The following DOCK5 variants were observed in gnomAD, a reference collection of about 807,000 sequenced individuals.
The protein encoded by DOCK5 is dedicator of cytokinesis protein 5.
A neutral mutation model predicts 251.8 loss-of-function variants in DOCK5; 142 were observed. The observed-to-expected ratio is 0.56, with a 90% CI of 0.49 to 0.65. The LOEUF is 0.65. Among genes scored for constraint, DOCK5 ranks in the 30% least tolerant of loss-of-function variants. DOCK5 has a pLI of 0.00. For missense variants in DOCK5, 2,111 were observed against 2,312.3 expected, an observed-to-expected ratio of 0.91 and a Z score of 1.79; for synonymous variants, 842 against 835.5, an observed-to-expected ratio of 1.01 and a Z score of -0.13.
chr8:25,382,623 C>G, intron 39 of DOCK5, 51 bp from the exon 40 acceptor site: 1 of 1,422,116 alleles, frequency 7.0e-7, no homozygotes, highest in Non-Finnish European at 9.6e-7. Flanking sequence ...TTTTTTTCCC[C>G]CAACTGTGTA....
At chr8:25,288,329 T>A (rs1804396886) in intron 5 of DOCK5, among the ~76,000 whole-genome samples, 1 of 152,180 alleles carries the variant, frequency 6.6e-6, no homozygotes, top group African/African-American at 2.4e-5. Flanking sequence ...ACAAAGTCCA[T>A]CTCCTTGAAG....
rs560476224 is a variant in DOCK5, at chr8:25,287,726, C to T, written c.322-4298C>T. Among the ~76,000 whole-genome samples, 6 of 151,796 alleles carry T rather than the reference C, an allele frequency of 4.0e-5. No individual in the cohort carries two copies. The East Asian group carries it at 7.8e-4, about 20-fold the overall frequency. On this transcript the variant is annotated intron_variant, in intron 5 of 51. Coordinates refer to ENST00000276440, the MANE Select transcript of DOCK5 (RefSeq NM_024940.8). ...AAATTCTTGGATGATGTGACAGTGG[C>T]GGATAATGCAGAAAAGGCTGAAGTG...
intron 1 of DOCK5, among the ~76,000 whole-genome samples, chr8:25,185,178 G>C (rs1199406515): frequency 6.6e-6 from 1 of 152,088 alleles, no homozygotes; most frequent in East Asian, 1.9e-4. Flanking sequence ...GCTGAGCTTC[G>C]GGACCGTAAT....
At chr8:25,316,268 C>A (rs1367700688) in intron 13 of DOCK5, among the ~76,000 whole-genome samples, 1 of 152,108 alleles carries the variant, frequency 6.6e-6, no homozygotes, top group African/African-American at 2.4e-5. Context: ...TTGCTTGAGT[C>A]CAGGAGTTTG....
chr8:25,269,143 G>A (rs1405271158), intron 3 of DOCK5, among the ~76,000 whole-genome samples: 1 of 152,190 alleles, frequency 6.6e-6, no homozygotes, highest in Non-Finnish European at 1.5e-5. Context: ...TGTCCCTCAA[G>A]TTAAGCAAGT....
chr8:25,247,778 A>T lies in DOCK5; in HGVS notation c.127+4021A>T, dbSNP rs543054906. Among the ~76,000 whole-genome samples, 41 of 152,238 alleles carry T rather than the reference A, an allele frequency of 2.7e-4. 1 individual carries two copies. Among genetic ancestry groups the T allele is most frequent in the Middle Eastern group, 3.4e-3 (1 of 294 alleles). On this transcript the variant is annotated intron_variant, in intron 2 of 51. Coordinates refer to ENST00000276440, the MANE Select transcript of DOCK5 (RefSeq NM_024940.8). The stretch of plus-strand genomic sequence containing the variant: ...TCAAATACCATGCACTTGAGTCCAA[A>T]CAGTCCAAAACCCACAGTGCTTCTA...
At chr8:25,353,392 A>G (rs578124078) in intron 27 of DOCK5, among the ~76,000 whole-genome samples, 1 of 152,272 alleles carries the variant, frequency 6.6e-6, no homozygotes, top group East Asian at 1.9e-4. Context: ...TCCAAAACAT[A>G]TTATAAAAGG....
intron 26 of DOCK5, among the ~76,000 whole-genome samples, chr8:25,349,218 A>G (rs1800423807): frequency 6.6e-6 from 1 of 152,238 alleles, no homozygotes; most frequent in South Asian, 2.1e-4. Context: ...ATGTGGGCAT[A>G]GACGTGGTGA....
At chr8:25,248,629 C>CG (rs1457169589) in intron 2 of DOCK5, among the ~76,000 whole-genome samples, 1 of 152,036 alleles carries the variant, frequency 6.6e-6, no homozygotes, top group Non-Finnish European at 1.5e-5. Flanking sequence ...GCCCACCGCC[C>CG]GGGACAGAAT....
chr8:25,187,841 C>G (rs146940449), intron 1 of DOCK5, among the ~76,000 whole-genome samples: 21 of 152,270 alleles, frequency 1.4e-4, no homozygotes, highest in African/African-American at 4.6e-4. Context: ...GCCCTCCCAA[C>G]TCTGCCTCAG....
rs1239431381 is a variant in DOCK5, at chr8:25,408,902, G to T, written c.5366G>T (p.Ser1789Ile). Residue 1789 changes from serine (S) to isoleucine (I), a missense_variant, in exon 50 of 52, where the codon AGC (serine) becomes ATC (isoleucine). Ser to Ile is a moderately radical substitution (Grantham distance 142, BLOSUM62 -2). Around this residue, in one of 3 missense-constraint regions of DOCK5, gnomAD observed 1,717 missense variants for 1,892.4 expected, o/e 0.91. Coordinates refer to ENST00000276440, the MANE Select transcript of DOCK5 (RefSeq NM_024940.8). ...GSSPPQSTPL[S>I]PPPLTPKATR... ...TCACCTCCTCAGTCAACACCCTTGA[G>T]CCCACCTCCACTCACTCCCAAAGCC... 5 of 1,613,774 alleles carry T rather than the reference G, an allele frequency of 3.1e-6. No homozygotes were observed. The highest frequency in any genetic ancestry group is 2.7e-5 in the African/African-American group (2 of 74,876).
chr8:25,269,987 G>T (rs1480590433), intron 3 of DOCK5, among the ~76,000 whole-genome samples: 2 of 152,154 alleles, frequency 1.3e-5, no homozygotes, highest in Non-Finnish European at 2.9e-5. Context: ...ACAAGGTATA[G>T]TTCATTAGAA....
intron 2 of DOCK5, among the ~76,000 whole-genome samples, chr8:25,266,178 C>T (rs1803742067): frequency 6.6e-6 from 1 of 151,752 alleles, no homozygotes; most frequent in African/African-American, 2.4e-5. Flanking sequence ...CCACCGATTG[C>T]AGCTACTGAT....
rs769790574 is a variant in DOCK5 at position 25,359,066 on chromosome 8, G to T, written c.2949+5G>T. 6 of 1,613,298 alleles carry T rather than the reference G, an allele frequency of 3.7e-6. No individual in the cohort carries two copies. The highest frequency in any genetic ancestry group is 5.1e-6 in the Non-Finnish European group (6 of 1,179,302). On this transcript the variant is annotated splice_donor_5th_base_variant and intron_variant, in intron 28 of 51. Coordinates refer to ENST00000276440, the MANE Select transcript of DOCK5 (RefSeq NM_024940.8). Reference sequence around the variant, plus strand: ...AAAACCAGACAAGACATCATCGTAAGTTGCCTTTACTGGTCCTGGTAACCT... The same window carrying T: ...AAAACCAGACAAGACATCATCGTAATTTGCCTTTACTGGTCCTGGTAACCT...
chr8:25,257,779 A>C (rs1803456383), intron 2 of DOCK5, among the ~76,000 whole-genome samples: 1 of 152,098 alleles, frequency 6.6e-6, no homozygotes, highest in Non-Finnish European at 1.5e-5. Context: ...GATTAATTGT[A>C]CATCTCTCTC....
Position 25,373,666 on chromosome 8 carries a change from GA to G in DOCK5, c.3725+10del. 1 of 1,586,936 alleles carries G rather than the reference GA, an allele frequency of 6.3e-7. No individual in the cohort carries two copies. ...AGAGGACATATACATAAGGTAAGCT[GA>G]AGGAAATTTCTTGCTTCTGCTGTTT... On this transcript the variant is annotated intron_variant, in intron 36 of 51. Transcript: ENST00000276440.
At chr8:25,364,915 AT>A (rs1800749668) in intron 30 of DOCK5, 1 of 430,022 alleles carries the variant, frequency 2.3e-6, no homozygotes, top group Non-Finnish European at 4.2e-6. Flanking sequence ...AAGGTAACAT[AT>A]GTAAAAAAAA....
chr8:25,407,697 C>T (rs542305340), intron 48 of DOCK5, among the ~76,000 whole-genome samples: 1 of 151,272 alleles, frequency 6.6e-6, no homozygotes, highest in South Asian at 2.1e-4. Flanking sequence ...CAGTTTGAGA[C>T]CAGCCTGGGC....
At position 25,408,793 on chromosome 8, in the gene DOCK5, T is replaced by C; in HGVS notation, c.5266-9T>C. ...GTGAAAATGTTTTGCTTTTTCTCTC[T>C]GGTCCTAGAGCCCAACCAGAAAAGC... is the stretch of plus-strand genomic sequence containing the variant. On this transcript the variant is annotated splice_polypyrimidine_tract_variant and intron_variant, in intron 49 of 51. Coordinates refer to ENST00000276440, the MANE Select transcript of DOCK5 (RefSeq NM_024940.8). The C allele has an allele frequency of 6.2e-7, 1 of 1,613,862 alleles. No homozygotes were observed. The highest frequency in any genetic ancestry group is 8.5e-7 in the Non-Finnish European group (1 of 1,179,806).
Sources: gnomAD v4.1 joint callset for allele counts (sites outside exome capture counted in the v4.1 genomes callset) on GRCh38, gnomAD v4.1.1 for gene constraint, gnomAD v4.1.1 regional missense constraint, MANE v1.5 for transcripts, NCBI Gene and HGNC (gene_info 2026-07-23, HGNC 2026-07-21) for gene names.